Variants in ADAMTSL3 observed in about 807,000 individuals in gnomAD.
ADAMTSL3 encodes the protein ADAMTS-like protein 3.
ADAMTSL3 carries 128 observed loss-of-function variants against 201.7 expected under a neutral mutation model. The observed-to-expected ratio is 0.63, with a 90% CI of 0.55 to 0.73. ADAMTSL3 has a LOEUF of 0.73. Ranked by LOEUF, ADAMTSL3 falls within the 30% of genes least tolerant of loss-of-function variation. The probability of loss-of-function intolerance (pLI) is 0.00; values close to 1 mark genes in which losing one functional copy is unlikely to be tolerated. For missense variants in ADAMTSL3, 1,990 were observed against 2,119.6 expected (o/e 0.94, Z 1.20); for synonymous variants, 738 against 748.4 (o/e 0.99, Z 0.23).
At chr15:83,817,729 C>T (rs1021894620) in intron 5 of ADAMTSL3, among the ~76,000 whole-genome samples, 3 of 152,116 alleles carry the variant, frequency 2.0e-5, no homozygotes, top group African/African-American at 7.2e-5. Context: ...AGCAAATACA[C>T]ATGAAAATAT....
intron 2 of ADAMTSL3, among the ~76,000 whole-genome samples, chr15:83,668,502 GTGTA>G (rs1383466245): frequency 6.6e-6 from 1 of 151,622 alleles, no homozygotes; most frequent in Non-Finnish European, 1.5e-5. Context: ...TTATTTCTGT[GTGTA>G]TGTGTGTTTG....
At chr15:83,929,872 C>T (rs892717477) in intron 17 of ADAMTSL3, among the ~76,000 whole-genome samples, 1 of 152,108 alleles carries the variant, frequency 6.6e-6, no homozygotes, top group African/African-American at 2.4e-5. Context: ...CACTCCTGCT[C>T]ATTCATGCCA....
chr15:83,882,646 A>G (rs1362523861), intron 9 of ADAMTSL3, among the ~76,000 whole-genome samples: 7 of 151,954 alleles, frequency 4.6e-5, no homozygotes, highest in African/African-American at 1.7e-4. Context: ...TGGTCATCTG[A>G]TTATAGGTGA....
chr15:83,951,003 C>CTTTTTTTTTT (rs75663059), intron 19 of ADAMTSL3, among the ~76,000 whole-genome samples: 1 of 133,466 alleles, frequency 7.5e-6, no homozygotes. Context: ...CTTTTCTTTT[C>CTTTTTTTTTT]TTTTTTTTTT....
chr15:83,767,105 T>C (rs1317531506), intron 3 of ADAMTSL3, among the ~76,000 whole-genome samples: 1 of 151,834 alleles, frequency 6.6e-6, no homozygotes, highest in East Asian at 1.9e-4. Flanking sequence ...AAAAGAAAAA[T>C]AAAAGAAATT....
chr15:83,851,711 T>C (rs2064618703), intron 7 of ADAMTSL3, among the ~76,000 whole-genome samples: 1 of 152,250 alleles, frequency 6.6e-6, no homozygotes, highest in African/African-American at 2.4e-5. Context: ...TTACATGTGT[T>C]ATCATATTAG....
intron 7 of ADAMTSL3, among the ~76,000 whole-genome samples, chr15:83,848,287 G>A (rs1020622468): frequency 1.3e-5 from 2 of 152,186 alleles, no homozygotes; most frequent in Non-Finnish European, 2.9e-5. Flanking sequence ...ATATATTTAG[G>A]TTGATGTAGT....
intron 15 of ADAMTSL3, among the ~76,000 whole-genome samples, chr15:83,909,703 CT>C (rs1567230119): frequency 6.6e-6 from 1 of 152,048 alleles, no homozygotes. Flanking sequence ...CAACCTCTGC[CT>C]TCTGGGTTCA....
At chr15:83,957,580 G>A (rs577359674) in intron 19 of ADAMTSL3, among the ~76,000 whole-genome samples, 1 of 152,280 alleles carries the variant, frequency 6.6e-6, no homozygotes, top group Non-Finnish European at 1.5e-5. Flanking sequence ...TTTGGCAATT[G>A]AATTGACAGG....
chr15:84,031,512 T>A, intron 28 of ADAMTSL3, 80 bp downstream of exon 28: 2 of 1,279,414 alleles, frequency 1.6e-6, no homozygotes, highest in South Asian at 2.5e-5. Context: ...GAAAATGGAA[T>A]CCTTTCTAGT....
chr15:83,828,531 G>C lies in ADAMTSL3; in HGVS notation c.600+8484G>C, dbSNP rs61666640. Reference sequence around the variant, plus strand: ...AATACCCTTTATTTCTTTCTCCTGCGTGATTGCCCTGGCCAGAACTTCCAA... The same window carrying C: ...AATACCCTTTATTTCTTTCTCCTGCCTGATTGCCCTGGCCAGAACTTCCAA... On this transcript the variant is annotated intron_variant, in intron 6 of 29. Transcript: ENST00000286744. 5.6e-3 allele frequency among the ~76,000 whole-genome samples: 849 copies of C among 151,954 alleles called. 8 individuals are homozygous for C. The highest frequency in any genetic ancestry group is 0.013 in the African/African-American group (521 of 41,438).
At chr15:83,832,075 G>A (rs2064168432) in intron 6 of ADAMTSL3, among the ~76,000 whole-genome samples, 1 of 152,170 alleles carries the variant, frequency 6.6e-6, no homozygotes, top group African/African-American at 2.4e-5. Context: ...GTAGGAAGGG[G>A]TAAATATGGG....
chr15:83,955,295 C>T (rs2066838052), intron 19 of ADAMTSL3, among the ~76,000 whole-genome samples: 1 of 152,192 alleles, frequency 6.6e-6, no homozygotes, highest in African/African-American at 2.4e-5. Context: ...CCATGGCCAT[C>T]ATCATCAGCA....
chr15:83,763,504 T>G (rs2062841283), intron 3 of ADAMTSL3, among the ~76,000 whole-genome samples: 1 of 148,782 alleles, frequency 6.7e-6, no homozygotes, highest in African/African-American at 2.5e-5. Flanking sequence ...TAACAAATAA[T>G]TCTTTTTTTT....
At chr15:83,695,411 G>A (rs557553362) in intron 2 of ADAMTSL3, among the ~76,000 whole-genome samples, 6 of 151,888 alleles carry the variant, frequency 4.0e-5, no homozygotes, top group South Asian at 2.1e-4. Flanking sequence ...TTTAAACTCC[G>A]GGAAGGAGCC....
At chr15:83,666,870 G>T (rs927181911) in intron 2 of ADAMTSL3, among the ~76,000 whole-genome samples, 6 of 151,080 alleles carry the variant, frequency 4.0e-5, no homozygotes, top group African/African-American at 1.5e-4. Context: ...AAAAGAAATA[G>T]AAAAATAAAT....
At chr15:84,002,284 G>C (rs1346466008) in intron 23 of ADAMTSL3, among the ~76,000 whole-genome samples, 1 of 152,134 alleles carries the variant, frequency 6.6e-6, no homozygotes, top group Non-Finnish European at 1.5e-5. Context: ...TGGCTTATGG[G>C]TCTACATGTA....
chr15:83,761,011 T>G (rs1016874125), intron 3 of ADAMTSL3, among the ~76,000 whole-genome samples: 1 of 152,294 alleles, frequency 6.6e-6, no homozygotes, highest in South Asian at 2.1e-4. Flanking sequence ...CTTTTAAAAT[T>G]TATCCATCTG....
At position 83,913,257 on chromosome 15, in the gene ADAMTSL3, G is replaced by A; in HGVS notation, c.1866G>A (p.Leu622=). 3.7e-6 allele frequency: 6 copies of A among 1,614,088 alleles called. No homozygotes were observed. The highest frequency in any genetic ancestry group is 5.1e-6 in the Non-Finnish European group (6 of 1,180,030). The change falls in exon 16 of 30, where the codon CTG becomes CTA. Residue 622 remains leucine, a synonymous_variant. Coordinates refer to ENST00000286744, the MANE Select transcript of ADAMTSL3 (RefSeq NM_207517.3). ...PKLPTERPCL[L]EACDESPASR... ...TGCCCACCGAACGGCCCTGCCTCCTGGAAGCATGTGATGAGAGCCCGGCCT... is the reference window on the plus strand; with the variant it reads ...TGCCCACCGAACGGCCCTGCCTCCTAGAAGCATGTGATGAGAGCCCGGCCT...
Sources: gnomAD v4.1 joint callset for allele counts (sites outside exome capture counted in the v4.1 genomes callset) on GRCh38, gnomAD v4.1.1 for gene constraint, MANE v1.5 for transcripts, NCBI Gene and HGNC (gene_info 2026-07-23, HGNC 2026-07-21) for gene names.